SVIL: variants seen among roughly 807,000 people sequenced by gnomAD.
SVIL encodes supervillin.
Under a neutral mutation model 240.4 loss-of-function variants are expected in SVIL, and 101 were observed. That is an observed-to-expected ratio of 0.42 (90% CI 0.36 to 0.50). The LOEUF is 0.50. Ranked by LOEUF, SVIL falls within the 20% of genes least tolerant of loss-of-function variation. The pLI, the probability that SVIL is intolerant of heterozygous loss-of-function variation, is 0.01. For missense variants in SVIL, 2,512 were observed against 2,818.7 expected, an observed-to-expected ratio of 0.89 and a Z score of 2.46; for synonymous variants, 999 against 1,100.0, an observed-to-expected ratio of 0.91 and a Z score of 1.82.
chr10:29,671,349 A>G (rs955485377), intron 2 of SVIL, among the ~76,000 whole-genome samples: 1 of 152,118 alleles, frequency 6.6e-6, no homozygotes, highest in Non-Finnish European at 1.5e-5. Flanking sequence ...GAAGTCCTTT[A>G]TTGGTTTTCC....
intron 3 of SVIL, among the ~76,000 whole-genome samples, chr10:29,643,047 T>C (rs1274943113): frequency 6.6e-6 from 1 of 152,106 alleles, no homozygotes; most frequent in African/African-American, 2.4e-5. Context: ...GATTAATCAA[T>C]TTGCAATATC....
At chr10:29,620,763 C>T (rs1378163000) in intron 1 of SVIL, among the ~76,000 whole-genome samples, 3 of 152,136 alleles carry the variant, frequency 2.0e-5, no homozygotes, top group Admixed American at 6.5e-5. Flanking sequence ...GGACTACAGG[C>T]GCCCACTACC....
At chr10:29,463,173 C>T (rs1235226696) in intron 35 of SVIL, among the ~76,000 whole-genome samples, 2 of 152,222 alleles carry the variant, frequency 1.3e-5, no homozygotes, top group African/African-American at 4.8e-5. Flanking sequence ...GCATGATCAA[C>T]CCCGAGTACA....
upstream of SVIL, among the ~76,000 whole-genome samples, chr10:29,636,226 T>C (rs577301218): frequency 1.3e-5 from 2 of 152,262 alleles, no homozygotes; most frequent in South Asian, 4.1e-4. Flanking sequence ...GGCTTTTTCC[T>C]CATTTTAAAG....
chr10:29,718,667 C>T (rs186847051), intron 1 of SVIL, among the ~76,000 whole-genome samples: 297 of 152,212 alleles, frequency 2.0e-3, no homozygotes, highest in Middle Eastern at 3.4e-3. Flanking sequence ...GAGAACTACA[C>T]AGAGAAGTCC....
chr10:29,647,089 A>T (rs1958683052), intron 3 of SVIL: 2 of 152,250 alleles, frequency 1.3e-5, no homozygotes, highest in Admixed American at 1.3e-4. Context: ...ACAAGAGGAC[A>T]TGCTTAGGAC....
At chr10:29,562,995 C>T (rs1954648478) in intron 3 of SVIL, among the ~76,000 whole-genome samples, 1 of 151,844 alleles carries the variant, frequency 6.6e-6, no homozygotes, top group African/African-American at 2.4e-5. Flanking sequence ...AATTAAAGGG[C>T]AAGAAGGAGT....
intron 2 of SVIL, among the ~76,000 whole-genome samples, chr10:29,661,248 A>G (rs1255901616): frequency 1.3e-5 from 2 of 152,146 alleles, no homozygotes; most frequent in African/African-American, 4.8e-5. Context: ...GGAAAACCTC[A>G]GTCACTAGAG....
At chr10:29,568,756 G>A (rs974433706) in intron 2 of SVIL, among the ~76,000 whole-genome samples, 14 of 151,978 alleles carry the variant, frequency 9.2e-5, no homozygotes, top group African/African-American at 3.1e-4. Flanking sequence ...AGAAGACCAG[G>A]GAAGAATAAC....
Position 29,523,791 on chromosome 10 carries a change from C to T in SVIL, c.2823G>A (p.Lys941=). 6.2e-7 allele frequency: 1 copy of T among 1,614,240 alleles called. No individual in the cohort carries two copies. Among genetic ancestry groups the T allele is most frequent in the Non-Finnish European group, 8.5e-7 (1 of 1,180,036 alleles). The part of the protein sequence containing the change: ...WQPLVEGSEN[K]GMLREYGETE... ...TCTCTCCATATTCTCTCAACATTCC[C>T]TTGTTCTCGCTACCCTCTACCAAAG... is the stretch of plus-strand genomic sequence containing the variant. The change falls in exon 15 of 38, where the codon AAG becomes AAA. Residue 941 remains lysine (K), a synonymous_variant. Coordinates refer to ENST00000355867, the MANE Select transcript of SVIL (RefSeq NM_021738.3).
intron 2 of SVIL, among the ~76,000 whole-genome samples, chr10:29,683,352 T>C (rs1960811997): frequency 6.6e-6 from 1 of 152,198 alleles, no homozygotes; most frequent in Non-Finnish European, 1.5e-5. Context: ...GGCTTCAGGC[T>C]TCAGAAAACT....
chr10:29,728,158 C>G (rs1964402819), intron 1 of SVIL, among the ~76,000 whole-genome samples: 1 of 151,914 alleles, frequency 6.6e-6, no homozygotes, highest in Non-Finnish European at 1.5e-5. Context: ...GGACTGGCCA[C>G]AAAGCACAAA....
intron 29 of SVIL, chr10:29,475,241 G>A (rs1052717579): frequency 1.3e-4 from 20 of 152,158 alleles, no homozygotes; most frequent in African/African-American, 4.8e-4. Context: ...ATGTTACCCA[G>A]CCTAGTCTCT....
At chr10:29,496,424 CAG>C in intron 18 of SVIL, 1 of 455,728 alleles carries the variant, frequency 2.2e-6, no homozygotes, top group Non-Finnish European at 4.4e-6. Context: ...GAAGAGACAT[CAG>C]AGGAGTTCAT....
chr10:29,681,951 C>T (rs561125875), intron 2 of SVIL, among the ~76,000 whole-genome samples: 2 of 152,152 alleles, frequency 1.3e-5, no homozygotes, highest in Admixed American at 6.6e-5. Context: ...CACACACTTC[C>T]GCTCAGACCT....
At chr10:29,557,724 C>T (rs142595281) in intron 3 of SVIL, among the ~76,000 whole-genome samples, 14 of 152,198 alleles carry the variant, frequency 9.2e-5, no homozygotes, top group Admixed American at 2.0e-4. Flanking sequence ...CTCCTGTCCA[C>T]AGGAAAGGTA....
rs541290617 is a variant in SVIL, at chr10:29,721,023, T to C, written c.-400+14728A>G. 1.1e-4 allele frequency among the ~76,000 whole-genome samples: 17 copies of C among 152,278 alleles called. No homozygotes were observed. In the South Asian group the frequency reaches 2.7e-3, roughly 24 times the overall value. On this transcript the variant is annotated intron_variant, in intron 1 of 35. Transcript: ENST00000375400. ...CACCACAACCCACTAATTTTTGTAT[T>C]TTTAGAAGAGATGGGGTTTTTGCCA...
At chr10:29,562,439 G>A (rs1393826571) in intron 3 of SVIL, among the ~76,000 whole-genome samples, 3 of 152,176 alleles carry the variant, frequency 2.0e-5, no homozygotes, top group African/African-American at 4.8e-5. Context: ...GCTGTTCGCC[G>A]CTCAGCAGGA....
At chr10:29,611,415 G>A (rs1289883151) in intron 1 of SVIL, among the ~76,000 whole-genome samples, 4 of 151,792 alleles carry the variant, frequency 2.6e-5, no homozygotes, top group Non-Finnish European at 5.9e-5. Context: ...CTGCTGGAAC[G>A]TGTCAAGTGG....
Sources: gnomAD v4.1 joint callset for allele counts (sites outside exome capture counted in the v4.1 genomes callset) on GRCh38, gnomAD v4.1.1 for gene constraint, MANE v1.5 for transcripts, NCBI Gene and HGNC (gene_info 2026-07-23, HGNC 2026-07-21) for gene names.